SEPTIN6: variants seen among roughly 807,000 people sequenced by gnomAD.
SEPTIN6 encodes septin-6.
Under a neutral mutation model 33.6 loss-of-function variants are expected in SEPTIN6, and 8 were observed. The ratio of observed to expected loss-of-function variants is 0.24; its 90% CI spans 0.14 to 0.43. The LOEUF (loss-of-function observed/expected upper bound fraction) is 0.43, where lower values mean the gene tolerates loss of function less well. SEPTIN6 is among the 20% of genes least tolerant of loss of function. The probability of loss-of-function intolerance (pLI) is 1.00; values close to 1 mark genes in which losing one functional copy is unlikely to be tolerated. For synonymous variants in SEPTIN6, 131 were observed against 140.0 expected, an observed-to-expected ratio of 0.94 and a Z score of 0.45; for missense variants, 250 against 340.8, an observed-to-expected ratio of 0.73 and a Z score of 2.10.
chrX:119,618,231 T>TACTC lies in SEPTIN6; in HGVS notation c.*1858_*1861dup. 1 of 783,565 alleles carries TACTC rather than the reference T, an allele frequency of 1.3e-6. No individual in the cohort carries two copies. Among genetic ancestry groups the TACTC allele is most frequent in the Non-Finnish European group, 1.5e-6 (1 of 661,822 alleles). 64.6% of individuals were successfully genotyped at this position (783,565 alleles called of 1,213,427 possible). On this transcript the variant is annotated 3_prime_UTR_variant, in exon 11 of 11. Transcript: ENST00000394610. ...TCCAAGCATATGGTCTTCAAAAAAA[T>TACTC]ACTCCACTGTAACTTGAATTTTCCC...
chrX:119,666,487 T>C (rs1053125391), intron 2 of SEPTIN6, among the ~76,000 whole-genome samples: 6 of 111,435 alleles, frequency 5.4e-5, no homozygotes, highest in African/African-American at 1.6e-4. Flanking sequence ...CTGTGTATGA[T>C]GAGAGTTTTC....
intron 5 of SEPTIN6, among the ~76,000 whole-genome samples, chrX:119,643,094 T>C (rs1187398736): frequency 9.0e-6 from 1 of 111,224 alleles, no homozygotes; most frequent in Admixed American, 9.6e-5. Context: ...GGCCTAAGCA[T>C]GTCCAATCTT....
intron 9 of SEPTIN6, among the ~76,000 whole-genome samples, chrX:119,628,591 C>T (rs1349877880): frequency 7.5e-5 from 8 of 107,040 alleles, no homozygotes; most frequent in African/African-American, 2.0e-4. Flanking sequence ...CTGCAAGCTC[C>T]GCCTCCCAGG....
rs769475362 is a variant in SEPTIN6 at position 119,636,422 on chromosome X, TG to T, written c.956+604del. Reference sequence around the variant, plus strand: ...ACATTCCCCTTCTCTAAAAGCATTCTGATTTAAGAAATATGGCAGTGATGAT... The same window carrying T: ...ACATTCCCCTTCTCTAAAAGCATTCTATTTAAGAAATATGGCAGTGATGAT... On this transcript the variant is annotated intron_variant, in intron 7 of 10. Coordinates refer to ENST00000394610, the MANE Select transcript of SEPTIN6 (RefSeq NM_145799.4). Among the ~76,000 whole-genome samples, 553 of 112,238 alleles carry T rather than the reference TG, an allele frequency of 4.9e-3. 6 individuals carry two copies. The highest frequency in any genetic ancestry group is 0.017 in the African/African-American group (522 of 30,932).
At chrX:119,657,232 AC>A (rs59719398) in intron 3 of SEPTIN6, among the ~76,000 whole-genome samples, 6,111 of 106,763 alleles carry the variant, frequency 0.057, 207 homozygotes, top group South Asian at 0.079. Context: ...AAAAAAAAAA[AC>A]AAAACAAAAA....
intron 9 of SEPTIN6, among the ~76,000 whole-genome samples, chrX:119,626,355 A>G (rs1163990979): frequency 4.5e-5 from 5 of 112,122 alleles, no homozygotes; most frequent in African/African-American, 1.6e-4. Flanking sequence ...GTTTCATTGT[A>G]GCCTGAACAA....
rs772333455 is a variant in SEPTIN6 at position 119,690,723 on chromosome X, CAAAAAAAAAAAA to C, written c.30+2341_30+2352del. Among the ~76,000 whole-genome samples, 3 of 23,027 alleles carry C rather than the reference CAAAAAAAAAAAA, an allele frequency of 1.3e-4. No homozygotes were observed. The Admixed American group carries it at 1.5e-3, about 12-fold the overall frequency. 20.0% of individuals were successfully genotyped at this position (23,027 alleles called of 115,157 possible). Reference sequence around the variant, plus strand: ...TGGGCAACAGAGCAAGACTCCGTCTCAAAAAAAAAAAAAAAAAAAAAAAAGAATTCCTAAGCT... The same window carrying C: ...TGGGCAACAGAGCAAGACTCCGTCTCAAAAAAAAAAAAGAATTCCTAAGCT... On this transcript the variant is annotated intron_variant, in intron 1 of 10. Coordinates refer to ENST00000394610, the MANE Select transcript of SEPTIN6 (RefSeq NM_145799.4).
At position 119,619,329 on chromosome X, in the gene SEPTIN6, A is replaced by C; in HGVS notation, c.*764T>G. ...CATTCAAGACTCTAGGCTGGTAATA[A>C]TATTCAGGTTTATTCTCCCTTTTGC... On this transcript the variant is annotated 3_prime_UTR_variant, in exon 11 of 11. Coordinates refer to ENST00000394610, the MANE Select transcript of SEPTIN6 (RefSeq NM_145799.4). 1.2e-6 allele frequency: 1 copy of C among 813,998 alleles called. No individual in the cohort carries two copies. Among genetic ancestry groups the C allele is most frequent in the South Asian group, 6.5e-5 (1 of 15,314 alleles). 67.1% of individuals were successfully genotyped at this position (813,998 alleles called of 1,213,427 possible). A position where few individuals can be genotyped will look rare whatever the true frequency, so the allele number is the denominator to read the frequency against.
At chrX:119,629,604 C>A (rs756877295) in intron 8 of SEPTIN6, 96 bp from the exon 9 acceptor site, 2 of 720,350 alleles carry the variant, frequency 2.8e-6, no homozygotes, top group Non-Finnish European at 4.1e-6. Context: ...GGGCTGTGAC[C>A]CTGCAGGACC....
chrX:119,662,867 A>T (rs1471112949), intron 3 of SEPTIN6, among the ~76,000 whole-genome samples: 2 of 111,890 alleles, frequency 1.8e-5, no homozygotes, highest in Non-Finnish European at 3.8e-5. Flanking sequence ...CCTACACATC[A>T]CTTTGCCTTT....
intron 4 of SEPTIN6, among the ~76,000 whole-genome samples, chrX:119,652,061 T>C (rs1025601865): frequency 8.9e-6 from 1 of 111,940 alleles, no homozygotes; most frequent in Admixed American, 9.5e-5. Context: ...ATAGCTGGGA[T>C]TATAAATGCG....
At chrX:119,661,905 T>G (rs2054553916) in intron 3 of SEPTIN6, among the ~76,000 whole-genome samples, 1 of 111,968 alleles carries the variant, frequency 8.9e-6, no homozygotes. Context: ...ACCCGCCTAA[T>G]TTTTGTATTT....
At chrX:119,638,128 T>A (rs2054099411) in intron 6 of SEPTIN6, among the ~76,000 whole-genome samples, 1 of 111,606 alleles carries the variant, frequency 9.0e-6, no homozygotes, top group African/African-American at 3.3e-5. Flanking sequence ...TATTGATAGA[T>A]GACAGTGACA....
chrX:119,678,314 A>T (rs986458002), intron 1 of SEPTIN6, among the ~76,000 whole-genome samples: 57 of 110,267 alleles, frequency 5.2e-4, no homozygotes, highest in African/African-American at 1.8e-3. Context: ...AGGTCAGGAG[A>T]TGGAGACCAT....
intron 2 of SEPTIN6, among the ~76,000 whole-genome samples, chrX:119,672,266 C>T (rs765727829): frequency 1.0e-3 from 113 of 111,428 alleles, no homozygotes; most frequent in African/African-American, 3.6e-3. Flanking sequence ...CTACTCCTCC[C>T]CTCTTGGAGG....
intron 1 of SEPTIN6, among the ~76,000 whole-genome samples, chrX:119,688,795 AC>A (rs901899512): frequency 9.1e-6 from 1 of 110,208 alleles, no homozygotes; most frequent in Non-Finnish European, 1.9e-5. Flanking sequence ...CTGTCCAAAA[AC>A]CCCTCAAATT....
intron 5 of SEPTIN6, among the ~76,000 whole-genome samples, chrX:119,645,807 C>G (rs1394205955): frequency 5.4e-5 from 6 of 111,333 alleles, no homozygotes; most frequent in Non-Finnish European, 7.5e-5. Context: ...TGGGATTACA[C>G]GTGTGAGCCA....
At position 119,660,441 on chromosome X, in the gene SEPTIN6, G is replaced by A. The variant is rs896049420; in HGVS notation, c.341+3041C>T. 1.1e-4 allele frequency among the ~76,000 whole-genome samples: 12 copies of A among 112,221 alleles called. No homozygotes were observed. The South Asian group carries it at 1.1e-3, about 10-fold the overall frequency. ...TACTTATTTGATTTATTATAAGTAT[G>A]TATCACATTTATAATCGGGAAGAAA... On this transcript the variant is annotated intron_variant, in intron 3 of 10. Transcript: ENST00000394610.
In SEPTIN6 at chrX:119,649,965, G is replaced by A. The variant is rs758895519; in HGVS notation, c.662C>T (p.Ser221Leu). ...QIYQFPTDDESVAEINGTMNA... is the reference protein window; with the variant it reads ...QIYQFPTDDELVAEINGTMNA... ...CATGGTTCCATTGATCTCTGCCACC[G>A]ACTCATCATCTGTAGGAAACTGATA... Residue 221 changes from serine (S) to leucine (L), a missense_variant, in exon 5 of 11, where the codon TCG becomes TTG. Physicochemically the swap from Ser to Leu is moderately radical, Grantham distance 145. Around this residue, in one of 2 missense-constraint regions of SEPTIN6, gnomAD observed 139 missense variants for 227.0 expected, o/e 0.61. Coordinates refer to ENST00000394610, the MANE Select transcript of SEPTIN6 (RefSeq NM_145799.4). 2.3e-5 allele frequency: 28 copies of A among 1,209,662 alleles called. No homozygotes were observed. In the South Asian group the frequency reaches 3.9e-4, roughly 17 times the overall value.
Sources: allele counts gnomAD v4.1 joint callset (sites outside exome capture counted in the v4.1 genomes callset), GRCh38; gene constraint gnomAD v4.1.1; regional missense constraint gnomAD v4.1.1; transcripts MANE v1.5; gene names NCBI Gene and HGNC (gene_info 2026-07-23, HGNC 2026-07-21).